Variants in MSRA observed in about 807,000 individuals in gnomAD.
The protein encoded by MSRA is methionine sulfoxide reductase A.
A neutral mutation model predicts 31.3 loss-of-function variants in MSRA; 54 were observed. The observed-to-expected ratio is 1.73, with a 90% CI of 1.39 to 2.17. The LOEUF (loss-of-function observed/expected upper bound fraction) is 2.17, where lower values mean the gene tolerates loss of function less well. MSRA is among the 30% of genes most tolerant of loss of function. The pLI is 0.00. For synonymous variants in MSRA, 169 were observed against 116.5 expected, an observed-to-expected ratio of 1.45 and a Z score of -2.90; for missense variants, 507 against 300.9, an observed-to-expected ratio of 1.69 and a Z score of -5.07.
intron 1 of MSRA, among the ~76,000 whole-genome samples, chr8:10,080,226 A>G (rs1298096416): frequency 1.3e-5 from 2 of 152,264 alleles, no homozygotes; most frequent in African/African-American, 4.8e-5. Flanking sequence ...TCTGGCAATT[A>G]TGAATCCATA....
In MSRA at chr8:10,148,883, T is replaced by A. The variant is rs139484305; in HGVS notation, c.143-58950T>A. ...AGAAGTAATTAAAGACATGCAGAAC[T>A]GGAGAAGGTAGGACAACTCCGATGA... is the stretch of plus-strand genomic sequence containing the variant. On this transcript the variant is annotated intron_variant, in intron 1 of 5. Transcript: ENST00000317173. Among the ~76,000 whole-genome samples the A allele has an allele frequency of 5.3e-3, 793 of 148,660 alleles. 8 individuals carry two copies. Among genetic ancestry groups the A allele is most frequent in the African/African-American group, 0.018 (740 of 40,482 alleles).
chr8:10,327,320 AT>A (rs1348113985), intron 5 of MSRA, among the ~76,000 whole-genome samples: 1 of 152,124 alleles, frequency 6.6e-6, no homozygotes, highest in African/African-American at 2.4e-5. Context: ...ATTTGCCATA[AT>A]TTTATCTTAA....
chr8:10,162,707 C>T (rs1025449227), intron 1 of MSRA, among the ~76,000 whole-genome samples: 3 of 152,172 alleles, frequency 2.0e-5, no homozygotes, highest in African/African-American at 7.2e-5. Context: ...AAACCTGTAG[C>T]TCTGTGCCTT....
intron 5 of MSRA, among the ~76,000 whole-genome samples, chr8:10,393,685 T>C (rs1200266021): frequency 2.0e-5 from 3 of 152,180 alleles, no homozygotes; most frequent in African/African-American, 7.2e-5. Context: ...CATCCGTATG[T>C]CTTGTATAGT....
At chr8:10,253,987 C>T (rs1054149595) in intron 3 of MSRA, among the ~76,000 whole-genome samples, 4 of 152,188 alleles carry the variant, frequency 2.6e-5, no homozygotes, top group South Asian at 4.2e-4. Context: ...GTGAGCGGAG[C>T]GGCTTGGGAA....
intron 5 of MSRA, among the ~76,000 whole-genome samples, chr8:10,378,260 G>A (rs1805863754): frequency 6.6e-6 from 1 of 152,146 alleles, no homozygotes; most frequent in Admixed American, 6.5e-5. Flanking sequence ...GGTCCCTGTG[G>A]TGCTAGCAGC....
chr8:10,095,047 G>A (rs976392694), intron 1 of MSRA, among the ~76,000 whole-genome samples: 2 of 152,136 alleles, frequency 1.3e-5, no homozygotes, highest in African/African-American at 4.8e-5. Flanking sequence ...TTCTCCATAG[G>A]ATAAAGCATG....
At chr8:10,175,390 T>G (rs150127089) in intron 1 of MSRA, among the ~76,000 whole-genome samples, 4 of 152,248 alleles carry the variant, frequency 2.6e-5, no homozygotes, top group Admixed American at 2.6e-4. Context: ...CATACGCTGT[T>G]ATCAAGTCAC....
chr8:10,322,332 C>A (rs577965793), intron 5 of MSRA, among the ~76,000 whole-genome samples: 2 of 150,950 alleles, frequency 1.3e-5, no homozygotes, highest in Non-Finnish European at 3.0e-5. Flanking sequence ...TTATAGGATT[C>A]CGGGCCAGAA....
intron 1 of MSRA, among the ~76,000 whole-genome samples, chr8:10,093,866 T>C (rs556700695): frequency 2.2e-4 from 34 of 152,312 alleles, no homozygotes; most frequent in Middle Eastern, 3.4e-3. Context: ...TTTCAAAGAA[T>C]AGTTTTGCTG....
chr8:10,417,803 C>T (rs1238147814), intron 5 of MSRA, among the ~76,000 whole-genome samples: 1 of 88,158 alleles, frequency 1.1e-5, no homozygotes, highest in Non-Finnish European at 2.5e-5. Flanking sequence ...CGTGTGCACA[C>T]GCAGGACAAG....
intron 1 of MSRA, among the ~76,000 whole-genome samples, chr8:10,085,012 A>G (rs1055537239): frequency 5.3e-5 from 8 of 152,360 alleles, no homozygotes; most frequent in East Asian, 1.9e-4. Flanking sequence ...AGTTTAAAAC[A>G]TATCAACTAA....
intron 3 of MSRA, among the ~76,000 whole-genome samples, chr8:10,259,900 C>G (rs575986400): frequency 7.2e-5 from 11 of 152,214 alleles, no homozygotes; most frequent in Admixed American, 1.3e-4. Flanking sequence ...CGCCTCACCC[C>G]CTCTGTAGGC....
intron 1 of MSRA, among the ~76,000 whole-genome samples, chr8:10,173,603 C>T (rs1370701354): frequency 6.6e-6 from 1 of 152,192 alleles, no homozygotes; most frequent in Non-Finnish European, 1.5e-5. Flanking sequence ...AACGTATGCT[C>T]AGCACTCCTT....
At chr8:10,143,218 T>C (rs1468897630) in intron 1 of MSRA, among the ~76,000 whole-genome samples, 1 of 152,144 alleles carries the variant, frequency 6.6e-6, no homozygotes, top group African/African-American at 2.4e-5. Context: ...GCATTTCCTG[T>C]GCACATGTAC....
At chr8:10,272,015 C>CT (rs1286510132) in intron 3 of MSRA, among the ~76,000 whole-genome samples, 1 of 152,164 alleles carries the variant, frequency 6.6e-6, no homozygotes, top group East Asian at 1.9e-4. Context: ...GCCAGGTACT[C>CT]TTTTTTAAAA....
chr8:10,321,585 C>G (rs1365469824), intron 5 of MSRA, among the ~76,000 whole-genome samples: 1 of 152,148 alleles, frequency 6.6e-6, no homozygotes, highest in Non-Finnish European at 1.5e-5. Context: ...TGAATATGGG[C>G]TGCATTTAGC....
chr8:10,069,946 T>C (rs552589357), intron 1 of MSRA, among the ~76,000 whole-genome samples: 2 of 152,158 alleles, frequency 1.3e-5, no homozygotes, highest in Non-Finnish European at 2.9e-5. Flanking sequence ...CTCTTTAACG[T>C]TGAAATATTG....
Position 10,089,063 on chromosome 8 carries a change from T to C in MSRA, c.142+34405T>C, listed in dbSNP as rs576733283. ...TATATTGGACAAATGAGAGATCTAA[T>C]GTACATCATGACTAAAGTTAATAAA... On this transcript the variant is annotated intron_variant, in intron 1 of 5. Coordinates refer to ENST00000317173, the MANE Select transcript of MSRA (RefSeq NM_012331.5). 3.7e-4 allele frequency among the ~76,000 whole-genome samples: 57 copies of C among 152,250 alleles called. 1 individual carries two copies. The South Asian group carries it at 0.011, about 30-fold the overall frequency.
Sources: gnomAD v4.1 joint callset for allele counts (sites outside exome capture counted in the v4.1 genomes callset) on GRCh38, gnomAD v4.1.1 for gene constraint, MANE v1.5 for transcripts, NCBI Gene and HGNC (gene_info 2026-07-23, HGNC 2026-07-21) for gene names.